KDM5A: variants seen among roughly 807,000 people sequenced by gnomAD.
The protein encoded by KDM5A is lysine demethylase 5A, also known as lysine-specific demethylase 5A.
KDM5A carries 42 observed loss-of-function variants against 193.5 expected under a neutral mutation model. The observed-to-expected ratio is 0.22, with a 90% CI of 0.17 to 0.28. KDM5A has a LOEUF of 0.28. KDM5A is among the 10% of genes least tolerant of loss of function. The pLI is 1.00. For synonymous variants in KDM5A, 796 were observed against 718.1 expected (o/e 1.11, Z -1.73); for missense variants, 1,692 against 2,055.1 (o/e 0.82, Z 3.42).
In KDM5A at chr12:307,476, G is replaced by A; in HGVS notation, c.3908C>T (p.Ala1303Val). 1 of 1,613,306 alleles carries A rather than the reference G, an allele frequency of 6.2e-7. No individual in the cohort carries two copies. Among genetic ancestry groups the A allele is most frequent in the Non-Finnish European group, 8.5e-7 (1 of 1,180,024 alleles). The part of the protein sequence containing the change: ...EKIISAELQK[A>V]AANPDLQGHL... Reference sequence around the variant, plus strand: ...TGCCTGTAAGTCTGGATTGGCAGCTGCTTTTTGGAGTTCTGCACTGATGAT... The same window carrying A: ...TGCCTGTAAGTCTGGATTGGCAGCTACTTTTTGGAGTTCTGCACTGATGAT... Residue 1303 changes from alanine to valine, a missense_variant, in exon 23 of 28, where the codon GCA (alanine) becomes GTA (valine). Physicochemically the swap from Ala to Val is moderately conservative, Grantham distance 64. Transcript: ENST00000399788. The surrounding 1 kb of genome is among the most constrained non-coding windows in gnomAD (Gnocchi z 4.3).
Position 318,153 on chromosome 12 carries a change from T to C in KDM5A, c.2850A>G (p.Thr950=), listed in dbSNP as rs771022011. 4.3e-6 allele frequency: 7 copies of C among 1,614,124 alleles called. No individual in the cohort carries two copies. Among genetic ancestry groups the C allele is most frequent in the Non-Finnish European group, 4.2e-6 (5 of 1,180,046 alleles). The part of the protein sequence containing the change: ...KAMAELQELL[T]VSERWEEKAK... ...CCTTTTCTTCCCATCGTTCAGAGAC[T>C]GTAAGGAGCTCCTGTAGTTCAGCCA... Residue 950 remains threonine (T), a synonymous_variant, in exon 19 of 28, where the codon ACA becomes ACG. Transcript: ENST00000399788.
intron 10 of KDM5A, 124 bp from the exon 11 acceptor site, chr12:334,546 G>T (rs1943903493): frequency 1.4e-6 from 1 of 711,018 alleles, no homozygotes; most frequent in African/African-American, 1.8e-5. Context: ...CATACAATCT[G>T]TGCTCTTTGC....
At chr12:298,279 C>T (rs1943399034) in intron 24 of KDM5A, among the ~76,000 whole-genome samples, 1 of 152,232 alleles carries the variant, frequency 6.6e-6, no homozygotes, top group Non-Finnish European at 1.5e-5. Context: ...GGTCAACAGA[C>T]ACATCATACA....
At chr12:309,212 T>C (rs1240674585) in intron 22 of KDM5A, among the ~76,000 whole-genome samples, 5 of 152,202 alleles carry the variant, frequency 3.3e-5, no homozygotes, top group Admixed American at 3.3e-4. Context: ...ATTATAACAC[T>C]GATGAGAAAA....
intron 10 of KDM5A, among the ~76,000 whole-genome samples, chr12:338,836 C>T (rs1943965458): frequency 6.6e-6 from 1 of 152,134 alleles, no homozygotes; most frequent in Non-Finnish European, 1.5e-5. Flanking sequence ...AAGTCCTATA[C>T]TTACTTTTAC....
In KDM5A at chr12:388,950, T is replaced by G. The variant is rs1479374937; in HGVS notation, c.142A>C (p.Ile48Leu). The G allele has an allele frequency of 6.8e-6, 11 of 1,614,142 alleles. No individual in the cohort carries two copies. Among genetic ancestry groups the G allele is most frequent in the Non-Finnish European group, 9.3e-6 (11 of 1,180,054 alleles). The change falls in exon 1 of 28, where the codon ATC (isoleucine) becomes CTC (leucine). Residue 48 changes from isoleucine to leucine, a missense_variant. Around this residue, in one of 11 missense-constraint regions of KDM5A, gnomAD observed 84 missense variants for 68.2 expected, o/e 1.23. Coordinates refer to ENST00000399788, the MANE Select transcript of KDM5A (RefSeq NM_001042603.3). Reference protein sequence around the residue: ...RIRPLAEKTGICKIRPPKDWQ... With the variant: ...RIRPLAEKTGLCKIRPPKDWQ... ...ACCTTGGGCGGCCGAATTTTGCAGA[T>G]GCCGGTTTTCTCCGCCAAAGGCCGG...
At chr12:343,335 T>C (rs1364247181) in intron 10 of KDM5A, among the ~76,000 whole-genome samples, 1 of 152,194 alleles carries the variant, frequency 6.6e-6, no homozygotes, top group Non-Finnish European at 1.5e-5. Context: ...ACTCCACCTC[T>C]CTGGGCAGGG....
chr12:349,150 A>G (rs1944117335), intron 10 of KDM5A, among the ~76,000 whole-genome samples: 1 of 150,660 alleles, frequency 6.6e-6, no homozygotes, highest in Non-Finnish European at 1.5e-5. Flanking sequence ...CCTCCCAAGT[A>G]GCTAGGATTA....
At chr12:354,305 G>A in intron 7 of KDM5A, 71 bp from the exon 8 acceptor site, 1 of 1,078,708 alleles carries the variant, frequency 9.3e-7, no homozygotes, top group South Asian at 1.5e-5. Context: ...GAACTCCTTA[G>A]CTGAAATAAA....
At chr12:350,250 A>G (rs562032242) in intron 10 of KDM5A, among the ~76,000 whole-genome samples, 1 of 152,224 alleles carries the variant, frequency 6.6e-6, no homozygotes, top group African/African-American at 2.4e-5. Flanking sequence ...CATCCTGTCC[A>G]ACATGGTGAA....
chr12:353,098 A>T (rs889517499), intron 8 of KDM5A, among the ~76,000 whole-genome samples: 5 of 152,142 alleles, frequency 3.3e-5, no homozygotes, highest in African/African-American at 1.2e-4. Flanking sequence ...TAATCCCAGC[A>T]CTTTGGAAGG....
rs758233390 is a variant in KDM5A at position 323,638 on chromosome 12, A to T, written c.2112T>A (p.Thr704=). Residue 704 remains threonine (T), a synonymous_variant, in exon 15 of 28, where the codon ACT becomes ACA. Transcript: ENST00000399788. ...TCTGCATGGGGCAGGGGCACAGATC[A>T]GTTGGATGGTAGAGACATACAAGCC... The part of the protein sequence containing the change: ...PERLVCLYHP[T]DLCPCPMQKK... The T allele has an allele frequency of 1.9e-6, 3 of 1,614,226 alleles. No individual in the cohort carries two copies. In the South Asian group the frequency reaches 3.3e-5, roughly 18 times the overall value.
At chr12:294,523 A>C (rs1033423355) in intron 26 of KDM5A, among the ~76,000 whole-genome samples, 2 of 152,356 alleles carry the variant, frequency 1.3e-5, no homozygotes. Flanking sequence ...TAAAAGAAAA[A>C]GGATTGGGTA....
At chr12:388,406 C>T (rs1382378002) in intron 1 of KDM5A, 1 of 423,372 alleles carries the variant, frequency 2.4e-6, no homozygotes, top group Non-Finnish European at 4.7e-6. Flanking sequence ...ATTGCTGCTC[C>T]TTCTCTTTCC....
At chr12:333,119 C>T (rs983075767) in intron 12 of KDM5A, 1 of 265,952 alleles carries the variant, frequency 3.8e-6, no homozygotes, top group Non-Finnish European at 7.4e-6. Context: ...GCTAAAATAA[C>T]TTTAAATTAA....
At chr12:333,919 C>A (rs16929851) in intron 11 of KDM5A, among the ~76,000 whole-genome samples, 10,702 of 152,170 alleles carry the variant, frequency 0.07, 843 homozygotes, top group East Asian at 0.35. Context: ...AGTGAAAACA[C>A]CTTCAAACGG....
At chr12:313,296 TCTTAC>T (rs1179534881) in intron 19 of KDM5A, 102 bp from the exon 20 acceptor site, 14 of 1,348,264 alleles carry the variant, frequency 1.0e-5, no homozygotes, top group Non-Finnish European at 1.4e-5. Context: ...TTCACTGAAT[TCTTAC>T]CACAATCCTA....
chr12:292,706 A>C, intron 27 of KDM5A, 53 bp downstream of exon 27: 1 of 1,612,184 alleles, frequency 6.2e-7, no homozygotes. Context: ...ATGTGTCTCC[A>C]CAACTGTTGC....
Position 374,184 on chromosome 12 carries a change from T to TA in KDM5A, c.367-8081dup, listed in dbSNP as rs547723211. Among the ~76,000 whole-genome samples, 358 of 152,306 alleles carry TA rather than the reference T, an allele frequency of 2.4e-3. 2 individuals are homozygous for TA. The highest frequency in any genetic ancestry group is 8.4e-3 in the African/African-American group (349 of 41,568). On this transcript the variant is annotated intron_variant, in intron 3 of 27. Coordinates refer to ENST00000399788, the MANE Select transcript of KDM5A (RefSeq NM_001042603.3). ...CTGTCTAATATTGACAGTAGGGTGT[T>TA]AAAGTCTCCCATTATCATTGTGTGG... is the stretch of plus-strand genomic sequence containing the variant.
Sources: gnomAD v4.1 joint callset for allele counts (sites outside exome capture counted in the v4.1 genomes callset) on GRCh38, gnomAD v4.1.1 for gene constraint, gnomAD v4.1.1 regional missense constraint, Gnocchi (gnomAD v3.1) non-coding constraint, MANE v1.5 for transcripts, NCBI Gene and HGNC (gene_info 2026-07-23, HGNC 2026-07-21) for gene names.